MRPS10: variants seen among roughly 807,000 people sequenced by gnomAD.
MRPS10 encodes the protein mitochondrial ribosomal protein S10.
A neutral mutation model predicts 27.5 loss-of-function variants in MRPS10; 23 were observed. That is an observed-to-expected ratio of 0.84 (90% CI 0.60 to 1.18). The LOEUF is 1.18. MRPS10 is among the 50% of genes most tolerant of loss of function. MRPS10 has a pLI of 0.00. For missense variants in MRPS10, 237 were observed against 240.1 expected, an observed-to-expected ratio of 0.99 and a Z score of 0.09; for synonymous variants, 88 against 84.2, an observed-to-expected ratio of 1.04 and a Z score of -0.25.
intron 1 of MRPS10, among the ~76,000 whole-genome samples, chr6:42,214,920 C>T (rs1562074341): frequency 6.6e-6 from 1 of 152,080 alleles, no homozygotes; most frequent in African/African-American, 2.4e-5. Context: ...TACAACGAAC[C>T]CACATTTCCA....
rs1768657550 is a variant in MRPS10, at chr6:42,208,058, G to C, written c.*231C>G. ...ACTCTTTCTGCTTTCAGTCAAAGTG[G>C]TTTGCTCATGTTTGCTGAAATCAGA... is the stretch of plus-strand genomic sequence containing the variant. On this transcript the variant is annotated 3_prime_UTR_variant, in exon 7 of 7. Transcript: ENST00000053468. 1 of 514,976 alleles carries C rather than the reference G, an allele frequency of 1.9e-6. No homozygotes were observed. Among genetic ancestry groups the C allele is most frequent in the Non-Finnish European group, 3.4e-6 (1 of 295,010 alleles). The allele number at this position is 514,976 out of a possible 1,614,324, so 31.9% of individuals were successfully genotyped here.
intron 6 of MRPS10, among the ~76,000 whole-genome samples, chr6:42,208,577 C>G (rs193207617): frequency 2.4e-4 from 36 of 152,274 alleles, no homozygotes; most frequent in African/African-American, 8.2e-4. Flanking sequence ...CCTCAATGAT[C>G]TTCATGGATT....
chr6:42,210,410 T>A (rs1768743109), intron 5 of MRPS10, 78 bp downstream of exon 5: 1 of 590,672 alleles, frequency 1.7e-6, no homozygotes, highest in African/African-American at 1.9e-5. Flanking sequence ...GTCAATCTAG[T>A]CAATGTTAAA....
At chr6:42,217,693 G>A (rs554633807) in intron 1 of MRPS10, 109 bp downstream of exon 1, 5 of 1,130,848 alleles carry the variant, frequency 4.4e-6, no homozygotes, top group South Asian at 3.9e-5. Context: ...GGCGCGAGGT[G>A]AGGGATAAAT....
At chr6:42,217,643 C>G (rs1768979238) in intron 1 of MRPS10, among the ~76,000 whole-genome samples, 159 bp downstream of exon 1, 1 of 152,158 alleles carries the variant, frequency 6.6e-6, no homozygotes, top group Non-Finnish European at 1.5e-5. Flanking sequence ...TGAGAGAATT[C>G]TGATAAAACT....
At chr6:42,212,094 A>G (rs1311103259) in intron 3 of MRPS10, among the ~76,000 whole-genome samples, 177 bp from the exon 4 acceptor site, 1 of 152,230 alleles carries the variant, frequency 6.6e-6, no homozygotes, top group Non-Finnish European at 1.5e-5. Context: ...GATCTGGACT[A>G]TGAGCCTCAG....
intron 5 of MRPS10, among the ~76,000 whole-genome samples, chr6:42,209,341 C>G (rs1768704020): frequency 6.6e-6 from 1 of 152,130 alleles, no homozygotes; most frequent in Admixed American, 6.5e-5. Flanking sequence ...CACAAAACAA[C>G]TGAAGACAAA....
intron 1 of MRPS10, among the ~76,000 whole-genome samples, chr6:42,215,314 C>T (rs1158700705): frequency 7.2e-6 from 1 of 138,986 alleles, no homozygotes; most frequent in African/African-American, 2.7e-5. Context: ...CGCTTGAACC[C>T]GGGAGGCGGA....
chr6:42,216,858 G>A (rs1349830591), intron 1 of MRPS10, among the ~76,000 whole-genome samples: 3 of 152,092 alleles, frequency 2.0e-5, no homozygotes, highest in African/African-American at 7.2e-5. Context: ...TGTAGTCTGA[G>A]GACGTCTGTG....
chr6:42,214,204 G>GA lies in MRPS10; in HGVS notation c.114-13dup, dbSNP rs760276495. 1.9e-6 allele frequency: 3 copies of GA among 1,608,924 alleles called. No individual in the cohort carries two copies. The highest frequency in any genetic ancestry group is 2.2e-5 in the East Asian group (1 of 44,816). The stretch of plus-strand genomic sequence containing the variant: ...TCATATTGGTACTGCTATGTGTGGG[G>GA]AAAAAAAGAGAAACCTAAGTAAAAT... On this transcript the variant is annotated splice_polypyrimidine_tract_variant and intron_variant, in intron 2 of 6. Coordinates refer to ENST00000053468, the MANE Select transcript of MRPS10 (RefSeq NM_018141.4).
At chr6:42,213,763 C>T (rs1038268810) in intron 3 of MRPS10, among the ~76,000 whole-genome samples, 5 of 152,188 alleles carry the variant, frequency 3.3e-5, no homozygotes, top group African/African-American at 1.2e-4. Context: ...AGGCTCAATA[C>T]ACAAAATGAA....
chr6:42,211,554 G>A (rs1224817382), intron 4 of MRPS10, among the ~76,000 whole-genome samples: 7 of 151,748 alleles, frequency 4.6e-5, no homozygotes, highest in South Asian at 2.1e-4. Flanking sequence ...GGTGGCATGC[G>A]CCTGTAGTCC....
At chr6:42,217,723 G>C in intron 1 of MRPS10, 79 bp downstream of exon 1, 2 of 1,471,430 alleles carry the variant, frequency 1.4e-6, no homozygotes, top group African/African-American at 2.8e-5. Flanking sequence ...AATCCTGATG[G>C]GCAGAGCGGC....
At position 42,207,942 on chromosome 6, in the gene MRPS10, A is replaced by AT. The variant is rs1768653324; in HGVS notation, c.*346_*347insA. 3 of 255,902 alleles carry AT rather than the reference A, an allele frequency of 1.2e-5. No individual in the cohort carries two copies. Among genetic ancestry groups the AT allele is most frequent in the Admixed American group, 1.2e-4 (2 of 16,578 alleles). The allele number at this position is 255,902 out of a possible 1,614,324, so 15.9% of individuals were successfully genotyped here. ...AAAAAATAAGGGTACGAACACTCCA[A>AT]GCACTTATTTTCAGATGCATCAACT... On this transcript the variant is annotated 3_prime_UTR_variant, in exon 7 of 7. Coordinates refer to ENST00000053468, the MANE Select transcript of MRPS10 (RefSeq NM_018141.4).
intron 1 of MRPS10, among the ~76,000 whole-genome samples, chr6:42,216,385 A>AGAGAGAGAGAGAGAGAGAGTGTGTGTGT: frequency 3.1e-4 from 18 of 58,650 alleles, no homozygotes; most frequent in South Asian, 9.2e-4. Flanking sequence ...AGAGAGAGAG[A>AGAGAGAGAGAGAGAGAGAGTGTGTGTGT]GTGTGTGTGT....
At chr6:42,216,385 A>AGAGAGAGAGAGAGAGT in intron 1 of MRPS10, among the ~76,000 whole-genome samples, 2 of 58,640 alleles carry the variant, frequency 3.4e-5, no homozygotes, top group Non-Finnish European at 8.0e-5. Context: ...AGAGAGAGAG[A>AGAGAGAGAGAGAGAGT]GTGTGTGTGT....
intron 5 of MRPS10, among the ~76,000 whole-genome samples, chr6:42,209,996 G>A (rs1227952009): frequency 6.6e-6 from 1 of 152,168 alleles, no homozygotes; most frequent in Non-Finnish European, 1.5e-5. Context: ...AGGAATAGAG[G>A]TACATGTCAC....
In MRPS10 at chr6:42,214,176, A is replaced by G. The variant is rs770265223; in HGVS notation, c.130T>C (p.Trp44Arg). The stretch of plus-strand genomic sequence containing the variant: ...ACGTGTAGGTTTGAAAACTGTACCC[A>G]CTTCATATTGGTACTGCTATGTGTG... The part of the protein sequence containing the change: ...GGLLLSTNMK[W>R]VQFSNLHVDV... The change falls in exon 3 of 7, where the codon TGG becomes CGG. Residue 44 changes from tryptophan (W) to arginine (R), a missense_variant. Coordinates refer to ENST00000053468, the MANE Select transcript of MRPS10 (RefSeq NM_018141.4). The G allele has an allele frequency of 6.2e-7, 1 of 1,613,700 alleles. No individual in the cohort carries two copies. The highest frequency in any genetic ancestry group is 1.1e-5 in the South Asian group (1 of 91,020).
rs773934216 is a variant in MRPS10, at chr6:42,211,929, A to G, written c.187-12T>C. The G allele has an allele frequency of 1.1e-5, 17 of 1,601,854 alleles. No homozygotes were observed. The highest frequency in any genetic ancestry group is 1.4e-5 in the Non-Finnish European group (17 of 1,176,804). On this transcript the variant is annotated splice_polypyrimidine_tract_variant and intron_variant, in intron 3 of 6. Transcript: ENST00000053468. ...TCAGAGATTGTTACCTAAAATCCAA[A>G]AGAAAAGTTTCAGTTTTAGTTCCTC...
Sources: gnomAD v4.1 joint callset for allele counts (sites outside exome capture counted in the v4.1 genomes callset) on GRCh38, gnomAD v4.1.1 for gene constraint, MANE v1.5 for transcripts, NCBI Gene and HGNC (gene_info 2026-07-23, HGNC 2026-07-21) for gene names.